RHOU: variants seen among roughly 807,000 people sequenced by gnomAD.
RHOU encodes ras homolog family member U.
A neutral mutation model predicts 12.6 loss-of-function variants in RHOU; 8 were observed. The ratio of observed to expected loss-of-function variants is 0.64; its 90% CI spans 0.37 to 1.15. The LOEUF (loss-of-function observed/expected upper bound fraction) is 1.15. Among genes scored for constraint, RHOU ranks in the 50% most tolerant of loss-of-function variants. The pLI is 0.01. For missense variants in RHOU, 258 were observed against 347.0 expected, an observed-to-expected ratio of 0.74 and a Z score of 2.04; for synonymous variants, 161 against 147.4, an observed-to-expected ratio of 1.09 and a Z score of -0.67.
the RHOU span, among the ~76,000 whole-genome samples, chr1:228,716,338 A>G: frequency 6.6e-6 from 1 of 152,104 alleles, no homozygotes; most frequent in Non-Finnish European, 1.5e-5. Context: ...GCATCCCACA[A>G]CTCAAGTTGT....
At chr1:228,675,503 T>C in the RHOU span, among the ~76,000 whole-genome samples, 1 of 152,240 alleles carries the variant, frequency 6.6e-6, no homozygotes, top group Non-Finnish European at 1.5e-5. Context: ...TGACTCTTTT[T>C]CAATCCTCAG....
chr1:228,723,643 G>C, the RHOU span, among the ~76,000 whole-genome samples: 1 of 152,178 alleles, frequency 6.6e-6, no homozygotes, highest in Non-Finnish European at 1.5e-5. Context: ...GCTAAGAGCC[G>C]GGGCTTTACG....
At chr1:228,682,204 G>A in the RHOU span, among the ~76,000 whole-genome samples, 1 of 152,292 alleles carries the variant, frequency 6.6e-6, no homozygotes, top group Admixed American at 6.5e-5. Context: ...TGAAAAGACT[G>A]TTTACCCGAT....
At chr1:228,692,250 A>T in the RHOU span, among the ~76,000 whole-genome samples, 4 of 152,228 alleles carry the variant, frequency 2.6e-5, no homozygotes, top group Non-Finnish European at 5.9e-5. Flanking sequence ...AGAAAATCCA[A>T]TGTGTGTTTT....
At chr1:228,739,578 C>T (rs945425261) in intron 2 of RHOU, among the ~76,000 whole-genome samples, 1 of 152,120 alleles carries the variant, frequency 6.6e-6, no homozygotes, top group Admixed American at 6.5e-5. Flanking sequence ...AAATAAAACA[C>T]AGGCAGAGGA....
the RHOU span, among the ~76,000 whole-genome samples, chr1:228,657,192 G>T: frequency 7.1e-6 from 1 of 141,112 alleles, no homozygotes; most frequent in African/African-American, 2.7e-5. Context: ...CAGGAGAATC[G>T]CTTCAACCCA....
intron 2 of RHOU, among the ~76,000 whole-genome samples, chr1:228,740,890 A>C (rs1662706907): frequency 6.6e-6 from 1 of 152,210 alleles, no homozygotes; most frequent in Non-Finnish European, 1.5e-5. Flanking sequence ...AGTCTATAAG[A>C]TGTCAAAAGG....
chr1:228,667,037 A>G, the RHOU span, among the ~76,000 whole-genome samples: 1 of 152,300 alleles, frequency 6.6e-6, no homozygotes, highest in African/African-American at 2.4e-5. Flanking sequence ...AAGCTCTCTA[A>G]CAGAAGGAAA....
At chr1:228,707,251 ATATAGT>A in the RHOU span, among the ~76,000 whole-genome samples, 87 of 96,598 alleles carry the variant, frequency 9.0e-4, no homozygotes, top group African/African-American at 1.2e-3. Flanking sequence ...ATATATATAT[ATATAGT>A]GTGTGTGTGT....
the RHOU span, among the ~76,000 whole-genome samples, chr1:228,710,977 A>G: frequency 6.6e-6 from 1 of 151,912 alleles, no homozygotes; most frequent in Non-Finnish European, 1.5e-5. Context: ...AGGATACAAA[A>G]TCAATGTACA....
the RHOU span, among the ~76,000 whole-genome samples, chr1:228,663,600 TTTTTC>T: frequency 4.4e-3 from 399 of 89,996 alleles, 3 homozygotes; most frequent in East Asian, 0.013. Context: ...TTCTTTTCTG[TTTTTC>T]TTTTCTTTTC....
chr1:228,719,770 A>C, the RHOU span, among the ~76,000 whole-genome samples: 4,766 of 152,162 alleles, frequency 0.031, 215 homozygotes, highest in African/African-American at 0.095. Context: ...ACAACAACAA[A>C]AAAAATGATA....
chr1:228,669,751 A>G, the RHOU span, among the ~76,000 whole-genome samples: 1 of 152,232 alleles, frequency 6.6e-6, no homozygotes, highest in African/African-American at 2.4e-5. Context: ...AGTATGGAGA[A>G]GAGTATAATT....
intron 1 of RHOU, 28 bp downstream of exon 1, chr1:228,736,032 G>T: frequency 6.4e-7 from 1 of 1,567,028 alleles, no homozygotes; most frequent in Non-Finnish European, 8.6e-7. Context: ...CCGGGGCCGG[G>T]GGCGCGTGGC....
At chr1:228,736,667 C>T (rs1662618959) in intron 1 of RHOU, among the ~76,000 whole-genome samples, 1 of 152,192 alleles carries the variant, frequency 6.6e-6, no homozygotes, top group Non-Finnish European at 1.5e-5. Context: ...TTTTCAGGAT[C>T]CCTTTAAGCT....
At chr1:228,709,276 C>T in the RHOU span, among the ~76,000 whole-genome samples, 1 of 147,442 alleles carries the variant, frequency 6.8e-6, no homozygotes, top group Non-Finnish European at 1.5e-5. Flanking sequence ...CAAGGATACC[C>T]AGGAATTGAA....
the RHOU span, among the ~76,000 whole-genome samples, chr1:228,684,223 G>A: frequency 3.6e-4 from 55 of 152,142 alleles, no homozygotes; most frequent in East Asian, 5.1e-3. Flanking sequence ...TTTTAGTAGC[G>A]ATAGGGTTTC....
chr1:228,720,891 G>A, the RHOU span, among the ~76,000 whole-genome samples: 1 of 152,170 alleles, frequency 6.6e-6, no homozygotes, highest in Non-Finnish European at 1.5e-5. Context: ...ATGTTCCAGG[G>A]AAATAATAAA....
chr1:228,684,826 G>C, the RHOU span, among the ~76,000 whole-genome samples: 1 of 152,126 alleles, frequency 6.6e-6, no homozygotes, highest in Non-Finnish European at 1.5e-5. Flanking sequence ...GCTGTTCCAG[G>C]AAACGGTCCC....
Sources: gnomAD v4.1 joint callset for allele counts (sites outside exome capture counted in the v4.1 genomes callset) on GRCh38, gnomAD v4.1.1 for gene constraint, MANE v1.5 for transcripts, NCBI Gene and HGNC (gene_info 2026-07-23, HGNC 2026-07-21) for gene names.